CACNG2: variants seen among roughly 807,000 people sequenced by gnomAD.
CACNG2 encodes the protein calcium voltage-gated channel auxiliary subunit gamma 2.
In CACNG2, 3 loss-of-function variants were observed where a neutral mutation model predicts 25.9. The ratio of observed to expected loss-of-function variants is 0.12; its 90% CI spans 0.05 to 0.30. CACNG2 has a LOEUF of 0.30. CACNG2 is among the 10% of genes least tolerant of loss of function. The pLI, the probability that CACNG2 is intolerant of heterozygous loss-of-function variation, is 1.00. For synonymous variants in CACNG2, 167 were observed against 173.3 expected, an observed-to-expected ratio of 0.96 and a Z score of 0.29; for missense variants, 341 against 432.5, an observed-to-expected ratio of 0.79 and a Z score of 1.88.
chr22:36,564,300 C>A lies in CACNG2; in HGVS notation c.*51G>T. 6.4e-7 allele frequency: 1 copy of A among 1,557,442 alleles called. No individual in the cohort carries two copies. The highest frequency in any genetic ancestry group is 8.7e-7 in the Non-Finnish European group (1 of 1,145,516). On this transcript the variant is annotated 3_prime_UTR_variant, in exon 4 of 4. Transcript: ENST00000300105. This position sits in a 1 kb window ranked among gnomAD's most constrained non-coding sequence, Gnocchi z 6.7. Reference sequence around the variant, plus strand: ...TCTGGGTCTCCCCGCCCCGCCCCGCCCCCGGGGACCGCGCCCTCCTCCCGC... The same window carrying A: ...TCTGGGTCTCCCCGCCCCGCCCCGCACCCGGGGACCGCGCCCTCCTCCCGC...
At chr22:36,691,320 A>G (rs11913061) in intron 1 of CACNG2, among the ~76,000 whole-genome samples, 3,524 of 151,918 alleles carry the variant, frequency 0.023, 127 homozygotes, top group African/African-American at 0.081. Context: ...GGGGAGAGGG[A>G]GTATCTGTAT....
intron 1 of CACNG2, among the ~76,000 whole-genome samples, chr22:36,701,741 A>G (rs529069429): frequency 1.3e-5 from 2 of 152,270 alleles, no homozygotes; most frequent in East Asian, 1.9e-4. Context: ...ATACACAAAT[A>G]CACACACGCA....
At chr22:36,700,549 A>G (rs568490095) in intron 1 of CACNG2, among the ~76,000 whole-genome samples, 39 of 152,324 alleles carry the variant, frequency 2.6e-4, no homozygotes, top group African/African-American at 9.1e-4. Flanking sequence ...AATTGCCACT[A>G]TGATCATTTC....
At position 36,566,841 on chromosome 22, in the gene CACNG2, G is replaced by T. The variant is rs73413768; in HGVS notation, c.296-348C>A. Among the ~76,000 whole-genome samples, 744 of 152,300 alleles carry T rather than the reference G, an allele frequency of 4.9e-3. 5 individuals carry two copies. The highest frequency in any genetic ancestry group is 0.017 in the African/African-American group (720 of 41,564). On this transcript the variant is annotated intron_variant, in intron 2 of 3. Coordinates refer to ENST00000300105, the MANE Select transcript of CACNG2 (RefSeq NM_006078.5). ...AACTTCCCACGACATGTCATTTCAT[G>T]CTGCTGACTTTTGAAATACAGAGCT...
intron 1 of CACNG2, among the ~76,000 whole-genome samples, chr22:36,648,437 T>G (rs1457500793): frequency 6.6e-6 from 1 of 152,216 alleles, no homozygotes; most frequent in African/African-American, 2.4e-5. Flanking sequence ...GACCCTCTCT[T>G]GCTAGGTTCC....
rs1162138845 is a variant in CACNG2, at chr22:36,606,197, C to A, written c.212-18649G>T. ...GATCAATACAGACGGATTCCCCGTC[C>A]CCCAGAGCTGAGTCTTGAGAGGACC... On this transcript the variant is annotated intron_variant, in intron 1 of 3. Coordinates refer to ENST00000300105, the MANE Select transcript of CACNG2 (RefSeq NM_006078.5). This position sits in a 1 kb window ranked among gnomAD's most constrained non-coding sequence, Gnocchi z 5.7. Among the ~76,000 whole-genome samples the A allele has an allele frequency of 6.6e-6, 1 of 152,160 alleles. No homozygotes were observed. Among genetic ancestry groups the A allele is most frequent in the Non-Finnish European group, 1.5e-5 (1 of 68,036 alleles).
chr22:36,654,310 G>A (rs79787106), intron 1 of CACNG2, among the ~76,000 whole-genome samples: 3,163 of 152,090 alleles, frequency 0.021, 62 homozygotes, highest in Non-Finnish European at 0.032. Flanking sequence ...CTCTCACCCC[G>A]GCTGGAGTGC....
At chr22:36,674,157 G>C (rs899953995) in intron 1 of CACNG2, among the ~76,000 whole-genome samples, 1 of 152,202 alleles carries the variant, frequency 6.6e-6, no homozygotes, top group South Asian at 2.1e-4. Context: ...CCCAGCTGAC[G>C]GTGCCATGTG....
At chr22:36,615,938 A>T (rs972933938) in intron 1 of CACNG2, among the ~76,000 whole-genome samples, 5 of 152,224 alleles carry the variant, frequency 3.3e-5, no homozygotes, top group African/African-American at 1.2e-4. Context: ...ACATTCTCTT[A>T]TTTATTCCTC....
At chr22:36,697,643 G>T (rs992944573) in intron 1 of CACNG2, among the ~76,000 whole-genome samples, 3 of 152,202 alleles carry the variant, frequency 2.0e-5, no homozygotes, top group Non-Finnish European at 4.4e-5. Context: ...GCCGGGTTTG[G>T]CTAACACGGT....
At chr22:36,642,164 T>C (rs1194553808) in intron 1 of CACNG2, among the ~76,000 whole-genome samples, 2 of 151,846 alleles carry the variant, frequency 1.3e-5, no homozygotes, top group South Asian at 2.1e-4. Flanking sequence ...GGGGAGGAGG[T>C]TGGGGAGAGA....
At chr22:36,693,735 C>T (rs944098813) in intron 1 of CACNG2, among the ~76,000 whole-genome samples, 10 of 152,198 alleles carry the variant, frequency 6.6e-5, no homozygotes, top group African/African-American at 2.4e-4. Flanking sequence ...TCTGCACATG[C>T]TGTTCCTGCT....
At chr22:36,654,226 T>C (rs1936671103) in intron 1 of CACNG2, among the ~76,000 whole-genome samples, 1 of 152,080 alleles carries the variant, frequency 6.6e-6, no homozygotes, top group Non-Finnish European at 1.5e-5. Context: ...GTACTAAGAA[T>C]GCGGGTATAC....
intron 1 of CACNG2, among the ~76,000 whole-genome samples, chr22:36,684,359 T>A (rs1042739665): frequency 2.0e-5 from 3 of 152,156 alleles, no homozygotes; most frequent in African/African-American, 7.2e-5. Context: ...CTCACACCTG[T>A]AATCCCAGAA....
intron 1 of CACNG2, among the ~76,000 whole-genome samples, chr22:36,636,173 G>C (rs1014417308): frequency 7.2e-5 from 11 of 152,138 alleles, no homozygotes; most frequent in African/African-American, 2.2e-4. Context: ...CTGATTGTCT[G>C]AGCCTTGCCT....
intron 1 of CACNG2, among the ~76,000 whole-genome samples, chr22:36,624,888 T>G (rs1486380857): frequency 1.3e-5 from 2 of 151,326 alleles, no homozygotes; most frequent in Non-Finnish European, 3.0e-5. Flanking sequence ...ATTAGCTGGG[T>G]GTGGTGGCAT....
At chr22:36,635,678 C>T (rs79544922) in intron 1 of CACNG2, among the ~76,000 whole-genome samples, 4,697 of 152,088 alleles carry the variant, frequency 0.031, 111 homozygotes, top group Middle Eastern at 0.1. Context: ...GGGAGTTTCC[C>T]GTATCTCCAA....
chr22:36,688,159 C>T (rs780157914), intron 1 of CACNG2, among the ~76,000 whole-genome samples: 1 of 152,054 alleles, frequency 6.6e-6, no homozygotes. Context: ...CAGGGCCCAG[C>T]ACACAGGAGA....
intron 1 of CACNG2, among the ~76,000 whole-genome samples, chr22:36,690,188 C>T (rs1386210628): frequency 6.6e-6 from 1 of 152,208 alleles, no homozygotes; most frequent in Non-Finnish European, 1.5e-5. Flanking sequence ...GGCCGGGAAA[C>T]GGCCACGCAC....
Sources: gnomAD v4.1 joint callset for allele counts (sites outside exome capture counted in the v4.1 genomes callset) on GRCh38, gnomAD v4.1.1 for gene constraint, Gnocchi (gnomAD v3.1) non-coding constraint, MANE v1.5 for transcripts, NCBI Gene and HGNC (gene_info 2026-07-23, HGNC 2026-07-21) for gene names.